ADGRD1: variants seen among roughly 807,000 people sequenced by gnomAD.
ADGRD1 encodes the protein G-protein coupled receptor 133.
In ADGRD1, 77 loss-of-function variants were observed where a neutral mutation model predicts 113.4. The observed-to-expected ratio is 0.68, with a 90% CI of 0.57 to 0.82. The LOEUF (loss-of-function observed/expected upper bound fraction) is 0.82. Ranked by LOEUF, ADGRD1 falls within the 40% of genes least tolerant of loss-of-function variation. ADGRD1 has a pLI of 0.00. For synonymous variants in ADGRD1, 474 were observed against 475.0 expected, an observed-to-expected ratio of 1.00 and a Z score of 0.03; for missense variants, 1,036 against 1,139.1, an observed-to-expected ratio of 0.91 and a Z score of 1.30.
At chr12:131,092,958 T>C (rs1251321712) in intron 15 of ADGRD1, among the ~76,000 whole-genome samples, 1 of 151,390 alleles carries the variant, frequency 6.6e-6, no homozygotes, top group Non-Finnish European at 1.5e-5. Flanking sequence ...CTGGAAACGA[T>C]GCTGGAGGCG....
chr12:131,015,892 C>G (rs560016812), intron 13 of ADGRD1, among the ~76,000 whole-genome samples: 1 of 152,346 alleles, frequency 6.6e-6, no homozygotes, highest in Admixed American at 6.5e-5. Context: ...GTGCTACTTA[C>G]CTATTCAAAG....
intron 4 of ADGRD1, among the ~76,000 whole-genome samples, chr12:130,972,240 T>C (rs914409404): frequency 2.6e-5 from 4 of 152,208 alleles, no homozygotes; most frequent in African/African-American, 9.7e-5. Context: ...TCTGGGAAAT[T>C]GTTCTCTGCC....
intron 15 of ADGRD1, among the ~76,000 whole-genome samples, chr12:131,101,220 G>A (rs994972224): frequency 6.6e-6 from 1 of 152,036 alleles, no homozygotes; most frequent in Non-Finnish European, 1.5e-5. Context: ...AGGGCTTTGT[G>A]GGGTGGAGAC....
intron 21 of ADGRD1, 98 bp from the exon 22 acceptor site, chr12:131,135,939 G>T (rs1426238878): frequency 5.9e-6 from 8 of 1,349,642 alleles, no homozygotes; most frequent in Non-Finnish European, 8.3e-6. Context: ...GCAGGGCGGT[G>T]CCTGCACCCA....
At position 131,120,897 on chromosome 12, in the gene ADGRD1, CCCTG is replaced by C; in HGVS notation, c.2160_2163del (p.Phe722SerfsTer12). 3.7e-6 allele frequency: 6 copies of C among 1,614,094 alleles called. No individual in the cohort carries two copies. The highest frequency in any genetic ancestry group is 5.1e-6 in the Non-Finnish European group (6 of 1,179,978). On this transcript the variant is annotated frameshift_variant, in exon 20 of 25. Coordinates refer to ENST00000261654, the MANE Select transcript of ADGRD1 (RefSeq NM_198827.5). LOFTEE classifies it high-confidence loss of function. ...GCCATCTGGGCCTTTGTAGCCCCTG[CCCTG>C]TTTGTCATCGTGGTACGTTTCCTAC...
intron 18 of ADGRD1, 45 bp downstream of exon 18, chr12:131,108,922 G>A (rs1950293008): frequency 9.7e-7 from 1 of 1,028,838 alleles, no homozygotes; most frequent in South Asian, 1.4e-5. Flanking sequence ...GGAGGGACAG[G>A]AAGAGACAGG....
At chr12:131,028,359 T>C (rs1880219344) in intron 13 of ADGRD1, among the ~76,000 whole-genome samples, 1 of 152,230 alleles carries the variant, frequency 6.6e-6, no homozygotes, top group Non-Finnish European at 1.5e-5. Flanking sequence ...AGTCATTTGT[T>C]TGATATACGT....
intron 18 of ADGRD1, among the ~76,000 whole-genome samples, chr12:131,112,892 C>T (rs1280025936): frequency 1.3e-5 from 2 of 152,238 alleles, no homozygotes; most frequent in Non-Finnish European, 2.9e-5. Flanking sequence ...GCCTGCCACA[C>T]CCTGCATACT....
At chr12:131,090,344 T>C (rs1214297398) in intron 15 of ADGRD1, among the ~76,000 whole-genome samples, 1 of 151,596 alleles carries the variant, frequency 6.6e-6, no homozygotes, top group Non-Finnish European at 1.5e-5. Flanking sequence ...TTCTGTGACC[T>C]GGAGTCATGT....
intron 13 of ADGRD1, among the ~76,000 whole-genome samples, chr12:131,067,013 G>A (rs1216685291): frequency 6.6e-6 from 1 of 152,186 alleles, no homozygotes; most frequent in Non-Finnish European, 1.5e-5. Context: ...AGGGCAGGGT[G>A]AGCAGGTAGA....
chr12:130,991,111 C>T, intron 7 of ADGRD1, 33 bp downstream of exon 7: 1 of 1,580,450 alleles, frequency 6.3e-7, no homozygotes, highest in Non-Finnish European at 8.7e-7. Flanking sequence ...GTCCCCCTTG[C>T]TGATGTTCTT....
intron 18 of ADGRD1, among the ~76,000 whole-genome samples, chr12:131,111,037 T>C (rs1322477139): frequency 6.6e-6 from 1 of 152,220 alleles, no homozygotes; most frequent in East Asian, 1.9e-4. Flanking sequence ...TTGAGGACTT[T>C]CTCTTTGTCT....
At chr12:131,082,513 G>T (rs1886147746) in intron 14 of ADGRD1, among the ~76,000 whole-genome samples, 1 of 152,148 alleles carries the variant, frequency 6.6e-6, no homozygotes, top group South Asian at 2.1e-4. Context: ...CTTACCCTTT[G>T]TGTAAGCAGA....
chr12:131,016,709 A>G (rs1442266848), intron 13 of ADGRD1, among the ~76,000 whole-genome samples: 3 of 152,202 alleles, frequency 2.0e-5, no homozygotes, highest in African/African-American at 7.2e-5. Context: ...CGTGACCAAC[A>G]TGGTGAATTC....
chr12:131,052,586 G>C (rs764171718), intron 13 of ADGRD1, among the ~76,000 whole-genome samples: 1 of 152,014 alleles, frequency 6.6e-6, no homozygotes, highest in Admixed American at 6.6e-5. Flanking sequence ...AGGAGCAGTC[G>C]GGGGGGCATA....
chr12:130,983,489 GGGCT>G (rs1227323799), intron 5 of ADGRD1, among the ~76,000 whole-genome samples: 1 of 152,116 alleles, frequency 6.6e-6, no homozygotes, highest in Non-Finnish European at 1.5e-5. Flanking sequence ...CTGCTCCTTG[GGGCT>G]GGTGGAACGT....
rs755255560 is a variant in ADGRD1 at position 130,954,532 on chromosome 12, G to A, written c.66+1G>A. ...GCTGCTATTTTATTACAACTTTCAG[G>A]TAATGTCCCCAAGTGGCCAGGATGG... On this transcript the variant is annotated splice_donor_variant, in intron 1 of 24. Coordinates refer to ENST00000261654, the MANE Select transcript of ADGRD1 (RefSeq NM_198827.5). LOFTEE classifies it high-confidence loss of function. The surrounding 1 kb of genome is among the most constrained non-coding windows in gnomAD (Gnocchi z 4.7). The A allele has an allele frequency of 1.9e-6, 3 of 1,610,810 alleles. No individual in the cohort carries two copies. The highest frequency in any genetic ancestry group is 2.5e-6 in the Non-Finnish European group (3 of 1,178,214).
intron 15 of ADGRD1, among the ~76,000 whole-genome samples, chr12:131,092,905 A>T (rs1225873440): frequency 1.5e-5 from 2 of 133,750 alleles, no homozygotes; most frequent in Non-Finnish European, 3.4e-5. Flanking sequence ...TTTAAATAAA[A>T]CAAGAAGAGG....
intron 20 of ADGRD1, among the ~76,000 whole-genome samples, chr12:131,129,494 G>A (rs112223933): frequency 1.5e-5 from 2 of 137,466 alleles, no homozygotes; most frequent in Non-Finnish European, 3.1e-5. Flanking sequence ...CCGCCCTGCT[G>A]TCTGGGTGTG....
Sources: gnomAD v4.1 joint callset for allele counts (sites outside exome capture counted in the v4.1 genomes callset) on GRCh38, gnomAD v4.1.1 for gene constraint, Gnocchi (gnomAD v3.1) non-coding constraint, MANE v1.5 for transcripts, NCBI Gene and HGNC (gene_info 2026-07-23, HGNC 2026-07-21) for gene names.